The following ALDH1L1 variants were observed in gnomAD, a reference collection of about 807,000 sequenced individuals.
ALDH1L1 encodes the protein cytosolic 10-formyltetrahydrofolate dehydrogenase.
In ALDH1L1, 68 loss-of-function variants were observed where a neutral mutation model predicts 101.1. That is an observed-to-expected ratio of 0.67 (90% CI 0.55 to 0.82). ALDH1L1 has a LOEUF of 0.82. Among genes scored for constraint, ALDH1L1 ranks in the 40% least tolerant of loss-of-function variants. ALDH1L1 has a pLI of 0.00. For synonymous variants in ALDH1L1, 486 were observed against 470.8 expected (o/e 1.03, Z -0.42); for missense variants, 1,087 against 1,172.7 (o/e 0.93, Z 1.07).
rs542747340 is a variant in ALDH1L1 at position 126,135,380 on chromosome 3, G to C, written c.1472+155C>G. 9.2e-5 allele frequency: 89 copies of C among 968,760 alleles called. 2 individuals are homozygous for C. In the Admixed American group the frequency reaches 3.1e-3, roughly 34 times the overall value. 60.0% of individuals were successfully genotyped at this position (968,760 alleles called of 1,614,324 possible). A position where few individuals can be genotyped will look rare whatever the true frequency, so the allele number is the denominator to read the frequency against. Reference sequence around the variant, plus strand: ...GCCTTTTCTGAGCCTCAGGCAAGGAGCCCCAGCCTGGCCCATCTGATGGCC... The same window carrying C: ...GCCTTTTCTGAGCCTCAGGCAAGGACCCCCAGCCTGGCCCATCTGATGGCC... On this transcript the variant is annotated intron_variant, in intron 12 of 22. Coordinates refer to ENST00000393434, the MANE Select transcript of ALDH1L1 (RefSeq NM_012190.4).
At chr3:126,112,930 A>G in intron 18 of ALDH1L1, 50 bp from the exon 19 acceptor site, 4 of 1,571,866 alleles carry the variant, frequency 2.5e-6, no homozygotes, top group Non-Finnish European at 3.5e-6. Context: ...CTGGGACACC[A>G]GCCCCCGGCT....
chr3:126,181,060 G>T, upstream of ALDH1L1: 1 of 1,523,632 alleles, frequency 6.6e-7, no homozygotes, highest in East Asian at 2.4e-5. Context: ...TGCGCATCCG[G>T]GTGGATAGCG....
chr3:126,150,529 C>G lies in ALDH1L1; in HGVS notation c.861G>C (p.Leu287=). 6.4e-7 allele frequency: 1 copy of G among 1,550,832 alleles called. No homozygotes were observed. Among genetic ancestry groups the G allele is most frequent in the South Asian group, 1.2e-5 (1 of 84,042 alleles). ...LILFGNDDKM[L]LVKNIQLEDG... is the part of the protein sequence containing the mutation. ...CCTCCAGCTGAATATTCTTCACCAG[C>G]AGCTGCAAAAGGAAGGATTTCTTTT... Residue 287 remains leucine (L), a splice_region_variant and synonymous_variant, in exon 8 of 23, where the codon CTG becomes CTC. Coordinates refer to ENST00000393434, the MANE Select transcript of ALDH1L1 (RefSeq NM_012190.4).
At position 126,146,891 on chromosome 3, in the gene ALDH1L1, C is replaced by A. The variant is rs375916296; in HGVS notation, c.1020G>T (p.Glu340Asp). The A allele has an allele frequency of 6.2e-7, 1 of 1,614,134 alleles. No individual in the cohort carries two copies. Among genetic ancestry groups the A allele is most frequent in the South Asian group, 1.1e-5 (1 of 91,040 alleles). ...VWQRILPKVL[E>D]VEDSTDFFKS... Reference sequence around the variant, plus strand: ...TGAAGAAATCAGTGGAGTCTTCAACCTCCAGGACTTTGGGGAGGATCCGCT... The same window carrying A: ...TGAAGAAATCAGTGGAGTCTTCAACATCCAGGACTTTGGGGAGGATCCGCT... Residue 340 changes from glutamate (E) to aspartate (D), a missense_variant, in exon 9 of 23, where the codon GAG (glutamate) becomes GAT (aspartate). Physicochemically the swap from Glu to Asp is conservative, Grantham distance 45 (BLOSUM62 2). Coordinates refer to ENST00000393434, the MANE Select transcript of ALDH1L1 (RefSeq NM_012190.4).
intron 1 of ALDH1L1, among the ~76,000 whole-genome samples, chr3:126,161,489 G>A (rs1048736402): frequency 6.6e-5 from 10 of 152,184 alleles, no homozygotes; most frequent in African/African-American, 2.4e-4. Flanking sequence ...CCGCCGAAGG[G>A]GCTGTCCAGC....
upstream of ALDH1L1, among the ~76,000 whole-genome samples, chr3:126,185,095 G>T (rs1438896821): frequency 2.6e-5 from 4 of 152,170 alleles, no homozygotes; most frequent in African/African-American, 9.7e-5. Context: ...AGAGGCGAAG[G>T]TAGGGATGAG....
At position 126,105,806 on chromosome 3, in the gene ALDH1L1, A is replaced by T; in HGVS notation, c.2573T>A (p.Val858Glu). The T allele has an allele frequency of 6.2e-7, 1 of 1,614,206 alleles. No homozygotes were observed. The highest frequency in any genetic ancestry group is 8.5e-7 in the Non-Finnish European group (1 of 1,180,042). Residue 858 changes from valine to glutamate, a missense_variant, in exon 22 of 23, where the codon GTG (valine) becomes GAG (glutamate). Coordinates refer to ENST00000393434, the MANE Select transcript of ALDH1L1 (RefSeq NM_012190.4). ...GGTCTTGTTGTACGTGTTGACAAAC[A>T]CAGTGCCTGCCTGGAGCTTGTCACT... ...YVSDKLQAGT[V>E]FVNTYNKTDV...
chr3:126,147,278 G>T lies in ALDH1L1; in HGVS notation c.985-352C>A, dbSNP rs112932912. Among the ~76,000 whole-genome samples, 482 of 152,336 alleles carry T rather than the reference G, an allele frequency of 3.2e-3. 1 individual carries two copies. Among genetic ancestry groups the T allele is most frequent in the African/African-American group, 0.011 (439 of 41,586 alleles). On this transcript the variant is annotated intron_variant, in intron 8 of 22. Coordinates refer to ENST00000393434, the MANE Select transcript of ALDH1L1 (RefSeq NM_012190.4). ...GGGACTAGGAAGGTGGGGCCCAGCT[G>T]CTCCTGACCCCCACTCACCTTGGTG...
intron 9 of ALDH1L1, among the ~76,000 whole-genome samples, chr3:126,141,186 A>C (rs1344190165): frequency 6.6e-6 from 1 of 152,128 alleles, no homozygotes; most frequent in Non-Finnish European, 1.5e-5. Context: ...TATTGATACA[A>C]AGTTTGATGC....
At chr3:126,151,753 T>G (rs3732543) in intron 7 of ALDH1L1, 10,520 of 153,116 alleles carry the variant, frequency 0.069, 433 homozygotes, top group African/African-American at 0.1. Context: ...TGGAGCTTTC[T>G]GCAAGCTAAA....
intron 5 of ALDH1L1, 82 bp from the exon 6 acceptor site, chr3:126,154,725 G>T: frequency 7.7e-7 from 1 of 1,296,124 alleles, no homozygotes; most frequent in Non-Finnish European, 1.1e-6. Context: ...AGTGGACCAA[G>T]CTCTTGTGAG....
chr3:126,112,746 G>A (rs1946119408), intron 19 of ALDH1L1, 36 bp downstream of exon 19: 2 of 1,599,892 alleles, frequency 1.3e-6, no homozygotes, highest in East Asian at 2.2e-5. Context: ...CTGTCCCAGT[G>A]AACCAGCCGC....
At chr3:126,195,247 T>C (rs2081575579) in intron 1 of ALDH1L1, among the ~76,000 whole-genome samples, 2 of 152,164 alleles carry the variant, frequency 1.3e-5, no homozygotes. Context: ...ATATCTTTAT[T>C]TTACCAATAA....
intron 1 of ALDH1L1, among the ~76,000 whole-genome samples, chr3:126,170,217 A>G (rs534338845): frequency 2.6e-5 from 4 of 152,332 alleles, no homozygotes; most frequent in Non-Finnish European, 5.9e-5. Context: ...TTTTTTAATG[A>G]AAATTATTTA....
chr3:126,169,320 A>T (rs1046764827), intron 1 of ALDH1L1, among the ~76,000 whole-genome samples: 2 of 152,206 alleles, frequency 1.3e-5, no homozygotes, highest in African/African-American at 4.8e-5. Flanking sequence ...TAGTTCCTCT[A>T]GAATTTAAAA....
rs530383747 is a variant in ALDH1L1 at position 126,127,161 on chromosome 3, C to T, written c.1695-1440G>A. Among the ~76,000 whole-genome samples, 72 of 152,262 alleles carry T rather than the reference C, an allele frequency of 4.7e-4. 1 individual carries two copies. In the South Asian group the frequency reaches 8.1e-3, roughly 17 times the overall value. ...TCTCTTCTACAGCAGCCCGAACTGA[C>T]GCCCACACTCACTGGTTAGGGGAAA... On this transcript the variant is annotated intron_variant, in intron 14 of 22. Coordinates refer to ENST00000393434, the MANE Select transcript of ALDH1L1 (RefSeq NM_012190.4).
chr3:126,155,206 G>T (rs568161157), intron 5 of ALDH1L1, among the ~76,000 whole-genome samples, 196 bp downstream of exon 5: 2 of 152,236 alleles, frequency 1.3e-5, no homozygotes, highest in South Asian at 4.2e-4. Context: ...GACCCTGTTC[G>T]CTACCCTCCC....
chr3:126,116,468 C>T (rs568735697), intron 17 of ALDH1L1, among the ~76,000 whole-genome samples: 1 of 152,068 alleles, frequency 6.6e-6, no homozygotes, highest in African/African-American at 2.4e-5. Context: ...ATCTTGCCCC[C>T]CAAACCCTCT....
At chr3:126,180,776 C>T (rs886097305), upstream of ALDH1L1, 1 of 1,465,086 alleles carries the variant, frequency 6.8e-7, no homozygotes, top group Non-Finnish European at 9.0e-7. Context: ...TGCGCTCTTT[C>T]CCGCTTAGGT....
Sources: allele counts gnomAD v4.1 joint callset (sites outside exome capture counted in the v4.1 genomes callset), GRCh38; gene constraint gnomAD v4.1.1; transcripts MANE v1.5; gene names NCBI Gene and HGNC (gene_info 2026-07-23, HGNC 2026-07-21).